PCDHA10: variants seen among roughly 807,000 people sequenced by gnomAD.
PCDHA10 encodes the protein protocadherin alpha-10.
PCDHA10 carries 45 observed loss-of-function variants against 61.2 expected under a neutral mutation model. That is an observed-to-expected ratio of 0.74 (90% CI 0.58 to 0.94). The LOEUF is 0.94. Among genes scored for constraint, PCDHA10 ranks in the 40% least tolerant of loss-of-function variants. PCDHA10 has a pLI of 0.00. For missense variants in PCDHA10, 1,278 were observed against 1,236.2 expected (o/e 1.03, Z -0.51); for synonymous variants, 602 against 548.8 (o/e 1.10, Z -1.35).
At chr5:140,928,271 C>G in intron 1 of PCDHA10, 2 of 1,614,186 alleles carry the variant, frequency 1.2e-6, no homozygotes, top group East Asian at 4.5e-5. Flanking sequence ...AACAATGGCC[C>G]TGGGGCCTCT....
chr5:140,927,821 T>C (rs1554205108), intron 1 of PCDHA10: 1 of 1,614,118 alleles, frequency 6.2e-7, no homozygotes, highest in South Asian at 1.1e-5. Context: ...GAGGCATACA[T>C]TGAGGCGAGG....
At chr5:140,992,918 A>C (rs1362238628) in intron 3 of PCDHA10, among the ~76,000 whole-genome samples, 2 of 152,186 alleles carry the variant, frequency 1.3e-5, no homozygotes, top group Non-Finnish European at 2.9e-5. Context: ...GGCCCTCTCC[A>C]TACTTACAGC....
Position 141,009,798 on chromosome 5 carries a change from A to G in PCDHA10, c.2708A>G (p.Asn903Ser). Residue 903 changes from asparagine (N) to serine (S), a missense_variant, in exon 4 of 4, where the codon AAC (asparagine) becomes AGC (serine). Physicochemically the swap from Asn to Ser is conservative, Grantham distance 46. Transcript: ENST00000307360. ...AIISIRQEPT[N>S]SQIDKSDFIT... The stretch of plus-strand genomic sequence containing the variant: ...ATCTCCATCCGGCAGGAGCCTACTA[A>G]CAGCCAAATTGACAAAAGTGACTTC... 2 of 1,614,116 alleles carry G rather than the reference A, an allele frequency of 1.2e-6. No homozygotes were observed. Among genetic ancestry groups the G allele is most frequent in the Non-Finnish European group, 1.7e-6 (2 of 1,180,014 alleles).
intron 1 of PCDHA10, chr5:140,929,505 C>A: frequency 1.2e-6 from 1 of 840,606 alleles, no homozygotes; most frequent in Non-Finnish European, 1.7e-6. Flanking sequence ...TGCCCTAGGC[C>A]TCAAGGGACT....
intron 1 of PCDHA10, among the ~76,000 whole-genome samples, chr5:140,900,094 G>A (rs546671178): frequency 3.6e-4 from 55 of 152,150 alleles, no homozygotes; most frequent in East Asian, 2.3e-3. Context: ...ACAAGCATGC[G>A]CCACCATACC....
intron 3 of PCDHA10, among the ~76,000 whole-genome samples, chr5:140,989,362 G>A (rs1264795948): frequency 6.6e-6 from 1 of 152,176 alleles, no homozygotes; most frequent in African/African-American, 2.4e-5. Context: ...GGTCACCTGT[G>A]TGACTGAGAG....
At chr5:140,922,068 A>C (rs1554200634) in intron 1 of PCDHA10, among the ~76,000 whole-genome samples, 1 of 152,196 alleles carries the variant, frequency 6.6e-6, no homozygotes, top group African/African-American at 2.4e-5. Context: ...TAGCAATCCC[A>C]CTAAGCAAAA....
intron 1 of PCDHA10, among the ~76,000 whole-genome samples, chr5:140,891,445 G>T (rs1036846382): frequency 6.7e-6 from 1 of 148,520 alleles, no homozygotes; most frequent in Non-Finnish European, 1.5e-5. Context: ...CCATTGTATA[G>T]GATTTTTGAA....
Position 140,968,052 on chromosome 5 carries a change from G to A in PCDHA10, c.2389-10897G>A, listed in dbSNP as rs990784546. ...CTGGTGGTGAGCGGCCCACTGGACC[G>A]AGAGCGGGTGGCTGTCTACAACATC... On this transcript the variant is annotated intron_variant, in intron 1 of 3. Transcript: ENST00000307360. The A allele has an allele frequency of 5.0e-6, 8 of 1,614,014 alleles. No homozygotes were observed. In the Admixed American group the frequency reaches 5.0e-5, roughly 10 times the overall value.
chr5:140,999,372 G>A (rs1029178969), intron 3 of PCDHA10, among the ~76,000 whole-genome samples: 3 of 152,188 alleles, frequency 2.0e-5, no homozygotes, highest in Non-Finnish European at 1.5e-5. Context: ...AATCCCATTA[G>A]ATGGTTATTG....
chr5:140,862,949 C>G lies in PCDHA10; in HGVS notation c.2388+4513C>G, dbSNP rs541015740. The G allele has an allele frequency of 9.9e-5, 54 of 542,878 alleles. 1 individual carries two copies. The highest frequency in any genetic ancestry group is 8.3e-4 in the African/African-American group (44 of 52,750). 33.6% of individuals were successfully genotyped at this position (542,878 alleles called of 1,614,324 possible). A position where few individuals can be genotyped will look rare whatever the true frequency, so the allele number is the denominator to read the frequency against. ...TGGCGGCGCTGTGAGTGAGCTGGTG[C>G]GGTATTCAGTGGATGCAGGCCACTT... On this transcript the variant is annotated intron_variant, in intron 1 of 3. Coordinates refer to ENST00000307360, the MANE Select transcript of PCDHA10 (RefSeq NM_018901.4).
At chr5:140,986,524 G>GAACT (rs1403082336) in intron 3 of PCDHA10, among the ~76,000 whole-genome samples, 2 of 152,198 alleles carry the variant, frequency 1.3e-5, no homozygotes, top group Non-Finnish European at 2.9e-5. Flanking sequence ...GCCTGTGAGG[G>GAACT]AACTGGCCTG....
intron 1 of PCDHA10, chr5:140,869,400 C>T (rs782134920): frequency 1.2e-6 from 2 of 1,614,026 alleles, no homozygotes; most frequent in African/African-American, 2.7e-5. Flanking sequence ...GCGGGCAGAG[C>T]GCGGAGTGCA....
intron 1 of PCDHA10, among the ~76,000 whole-genome samples, chr5:140,944,623 T>G (rs535315515): frequency 2.0e-5 from 3 of 152,202 alleles, no homozygotes; most frequent in Non-Finnish European, 4.4e-5. Flanking sequence ...AGAAGTATAG[T>G]GTTGTAAGCC....
chr5:140,990,369 C>T (rs2097390541), intron 3 of PCDHA10, among the ~76,000 whole-genome samples: 1 of 152,054 alleles, frequency 6.6e-6, no homozygotes, highest in South Asian at 2.1e-4. Flanking sequence ...TCTAATAAAG[C>T]AAATTTGTTG....
chr5:140,887,838 T>C (rs1434293324), intron 1 of PCDHA10, among the ~76,000 whole-genome samples: 1 of 152,210 alleles, frequency 6.6e-6, no homozygotes. Context: ...TGAATATCTT[T>C]TATTGACATA....
At chr5:140,928,977 T>C in intron 1 of PCDHA10, 1 of 1,613,888 alleles carries the variant, frequency 6.2e-7, no homozygotes, top group Non-Finnish European at 8.5e-7. Context: ...CCTTTTTATT[T>C]CTGGGGTGCT....
intron 3 of PCDHA10, among the ~76,000 whole-genome samples, chr5:140,993,295 C>G (rs553867145): frequency 3.3e-5 from 5 of 152,090 alleles, no homozygotes; most frequent in African/African-American, 9.7e-5. Flanking sequence ...GGGTCACAAC[C>G]TTGCCTCCAG....
At position 140,877,676 on chromosome 5, in the gene PCDHA10, G is replaced by A. The variant is rs781985023; in HGVS notation, c.2388+19240G>A. ...CCCACCGTGAGCCGGTGCGCGCCGG[G>A]CAAGCCCACGCTGGTGTGCTCCAGC... On this transcript the variant is annotated intron_variant, in intron 1 of 3. Coordinates refer to ENST00000307360, the MANE Select transcript of PCDHA10 (RefSeq NM_018901.4). The A allele has an allele frequency of 8.7e-6, 14 of 1,613,488 alleles. No homozygotes were observed. The African/African-American group carries it at 1.2e-4, about 14-fold the overall frequency.
Sources: gnomAD v4.1 joint callset for allele counts (sites outside exome capture counted in the v4.1 genomes callset) on GRCh38, gnomAD v4.1.1 for gene constraint, MANE v1.5 for transcripts, NCBI Gene and HGNC (gene_info 2026-07-23, HGNC 2026-07-21) for gene names.